ANKS1B: variants seen among roughly 807,000 people sequenced by gnomAD.
ANKS1B encodes ankyrin repeat and sterile alpha motif domain containing 1B.
In ANKS1B, 36 loss-of-function variants were observed where a neutral mutation model predicts 148.3. The observed-to-expected ratio is 0.24, with a 90% CI of 0.19 to 0.32. The LOEUF (loss-of-function observed/expected upper bound fraction) is 0.32, where lower values mean the gene tolerates loss of function less well. Among genes scored for constraint, ANKS1B ranks in the 10% least tolerant of loss-of-function variants. The pLI is 1.00. For missense variants in ANKS1B, 1,157 were observed against 1,542.6 expected, an observed-to-expected ratio of 0.75 and a Z score of 4.19; for synonymous variants, 542 against 560.8, an observed-to-expected ratio of 0.97 and a Z score of 0.47.
chr12:99,415,936 G>C (rs1480706803), intron 11 of ANKS1B, among the ~76,000 whole-genome samples: 1 of 151,910 alleles, frequency 6.6e-6, no homozygotes, highest in Non-Finnish European at 1.5e-5. Flanking sequence ...ACCCACCTTG[G>C]CCTCCTAAAG....
chr12:98,942,562 C>G (rs1170117279), intron 17 of ANKS1B, among the ~76,000 whole-genome samples: 1 of 152,200 alleles, frequency 6.6e-6, no homozygotes, highest in African/African-American at 2.4e-5. Context: ...CTTCTCTGTT[C>G]TAGCACTCCC....
intron 8 of ANKS1B, among the ~76,000 whole-genome samples, chr12:99,760,919 T>C (rs1266961397): frequency 6.6e-6 from 1 of 150,550 alleles, no homozygotes; most frequent in Non-Finnish European, 1.5e-5. Context: ...ATGAACACCA[T>C]ATATATACAA....
intron 12 of ANKS1B, among the ~76,000 whole-genome samples, chr12:99,282,142 A>G (rs1381657881): frequency 6.6e-6 from 1 of 152,184 alleles, no homozygotes; most frequent in African/African-American, 2.4e-5. Flanking sequence ...GTAGTCAGGA[A>G]AGCATCTTTG....
chr12:98,829,099 G>A lies in ANKS1B; in HGVS notation c.3066+75C>T. ...TAGGCACGGACAATAAGCATCCATA[G>A]GAAGCTACTGTTCACTATTAAAAGG... On this transcript the variant is annotated intron_variant, in intron 19 of 26. Coordinates refer to ENST00000683438, the MANE Select transcript of ANKS1B (RefSeq NM_001352186.2). The surrounding 1 kb of genome is among the most constrained non-coding windows in gnomAD (Gnocchi z 5.2). 1 of 1,535,476 alleles carries A rather than the reference G, an allele frequency of 6.5e-7. No individual in the cohort carries two copies. Among genetic ancestry groups the A allele is most frequent in the Non-Finnish European group, 9.0e-7 (1 of 1,116,044 alleles).
chr12:99,713,934 C>T (rs531655019), intron 8 of ANKS1B, among the ~76,000 whole-genome samples: 1 of 152,306 alleles, frequency 6.6e-6, no homozygotes, highest in African/African-American at 2.4e-5. Context: ...TACTTCTGCT[C>T]CAATAAATTC....
chr12:99,205,023 G>A (rs2153902489), intron 14 of ANKS1B, among the ~76,000 whole-genome samples: 1 of 152,234 alleles, frequency 6.6e-6, no homozygotes, highest in Non-Finnish European at 1.5e-5. Context: ...ATAATGTATA[G>A]GAGGCCATTG....
chr12:98,750,832 C>T (rs1052757227), intron 26 of ANKS1B, among the ~76,000 whole-genome samples: 5 of 152,216 alleles, frequency 3.3e-5, no homozygotes, highest in South Asian at 2.1e-4. Context: ...GGCACCATGC[C>T]GCAGGAAGCC....
At chr12:99,224,647 A>G (rs1408907713) in intron 14 of ANKS1B, among the ~76,000 whole-genome samples, 1 of 152,180 alleles carries the variant, frequency 6.6e-6, no homozygotes, top group South Asian at 2.1e-4. Context: ...ATCATGAGCC[A>G]ATTAAACCTA....
chr12:99,656,369 A>G (rs969170458), intron 8 of ANKS1B, among the ~76,000 whole-genome samples: 8 of 152,110 alleles, frequency 5.3e-5, no homozygotes, highest in Admixed American at 5.2e-4. Flanking sequence ...TGTGAAGCCA[A>G]CCTCTCAACA....
chr12:99,495,444 A>T lies in ANKS1B; in HGVS notation c.1438+9032T>A, dbSNP rs2096595217. 2.6e-5 allele frequency among the ~76,000 whole-genome samples: 4 copies of T among 152,024 alleles called. No homozygotes were observed. The South Asian group carries it at 8.3e-4, about 31-fold the overall frequency. On this transcript the variant is annotated intron_variant, in intron 10 of 26. Coordinates refer to ENST00000683438, the MANE Select transcript of ANKS1B (RefSeq NM_001352186.2). ...CTAAGTTGAACAAATTGAGATGATTATATTTTTTAATTGGTAAACTGTCCA... is the reference window on the plus strand; with the variant it reads ...CTAAGTTGAACAAATTGAGATGATTTTATTTTTTAATTGGTAAACTGTCCA...
intron 14 of ANKS1B, among the ~76,000 whole-genome samples, chr12:99,157,745 A>G (rs891052858): frequency 6.6e-6 from 1 of 152,208 alleles, no homozygotes; most frequent in African/African-American, 2.4e-5. Context: ...CTAAAAGCCC[A>G]GACCTCACCA....
chr12:98,926,575 C>T (rs1192011661), intron 17 of ANKS1B, among the ~76,000 whole-genome samples: 6 of 151,968 alleles, frequency 3.9e-5, no homozygotes, highest in African/African-American at 1.2e-4. Context: ...ACTTCCTAGA[C>T]GAAGACTTTA....
At chr12:99,324,233 T>C (rs1294320675) in intron 12 of ANKS1B, among the ~76,000 whole-genome samples, 1 of 152,206 alleles carries the variant, frequency 6.6e-6, no homozygotes, top group East Asian at 1.9e-4. Context: ...TGCCATGTGC[T>C]GTTCTAAGCT....
chr12:99,725,044 G>A (rs1419092553), intron 8 of ANKS1B, among the ~76,000 whole-genome samples: 5 of 152,148 alleles, frequency 3.3e-5, no homozygotes, highest in Admixed American at 2.0e-4. Flanking sequence ...ACCAGCCATT[G>A]CAAAGACACA....
intron 15 of ANKS1B, among the ~76,000 whole-genome samples, chr12:99,140,253 T>C (rs901502323): frequency 1.3e-5 from 2 of 152,200 alleles, no homozygotes; most frequent in Non-Finnish European, 2.9e-5. Flanking sequence ...CTCAGTTCTT[T>C]GAGTGTCCAT....
At chr12:98,939,397 C>T (rs929345058) in intron 17 of ANKS1B, among the ~76,000 whole-genome samples, 3 of 152,188 alleles carry the variant, frequency 2.0e-5, no homozygotes, top group Admixed American at 6.5e-5. Flanking sequence ...TCCTTTTGTG[C>T]TAAGAAAGAA....
At chr12:99,741,546 C>T (rs1288973804) in intron 8 of ANKS1B, among the ~76,000 whole-genome samples, 2 of 152,100 alleles carry the variant, frequency 1.3e-5, no homozygotes, top group Non-Finnish European at 2.9e-5. Flanking sequence ...ACATATATAC[C>T]ATGGAATACT....
chr12:99,894,140 C>T (rs953059934), intron 1 of ANKS1B, among the ~76,000 whole-genome samples: 11 of 151,542 alleles, frequency 7.3e-5, no homozygotes, highest in Non-Finnish European at 1.2e-4. Flanking sequence ...TACAAATGGA[C>T]GAGCGCAGTG....
intron 1 of ANKS1B, among the ~76,000 whole-genome samples, chr12:99,910,448 T>C (rs2093967109): frequency 6.6e-6 from 1 of 150,388 alleles, no homozygotes; most frequent in Admixed American, 6.6e-5. Flanking sequence ...AAGAAGACAG[T>C]CATATAGGCC....
Sources: allele counts gnomAD v4.1 joint callset (sites outside exome capture counted in the v4.1 genomes callset), GRCh38; gene constraint gnomAD v4.1.1; non-coding constraint Gnocchi (gnomAD v3.1); transcripts MANE v1.5; gene names NCBI Gene and HGNC (gene_info 2026-07-23, HGNC 2026-07-21).